Variants in NOS1AP observed in about 807,000 individuals in gnomAD.
NOS1AP encodes the protein carboxyl-terminal PDZ ligand of neuronal nitric oxide synthase protein.
A neutral mutation model predicts 56.2 loss-of-function variants in NOS1AP; 21 were observed. The observed-to-expected ratio is 0.37, with a 90% CI of 0.26 to 0.54. The LOEUF (loss-of-function observed/expected upper bound fraction) is 0.54, where lower values mean the gene tolerates loss of function less well. Among genes scored for constraint, NOS1AP ranks in the 20% least tolerant of loss-of-function variants. The probability of loss-of-function intolerance (pLI) is 0.84; values close to 1 mark genes in which losing one functional copy is unlikely to be tolerated. For synonymous variants in NOS1AP, 270 were observed against 274.6 expected, an observed-to-expected ratio of 0.98 and a Z score of 0.17; for missense variants, 522 against 657.8, an observed-to-expected ratio of 0.79 and a Z score of 2.26.
chr1:162,175,013 T>C (rs1650994911), intron 2 of NOS1AP, among the ~76,000 whole-genome samples: 2 of 152,214 alleles, frequency 1.3e-5, no homozygotes, highest in African/African-American at 4.8e-5. Context: ...GACAGAGAGG[T>C]AAGATGGCAT....
In NOS1AP at chr1:162,370,469, A is replaced by G. The variant is rs1647364985; in HGVS notation, c.*3002A>G. 6.6e-6 allele frequency: 1 copy of G among 152,034 alleles called. No homozygotes were observed. The highest frequency in any genetic ancestry group is 1.5e-5 in the Non-Finnish European group (1 of 67,986). 9.4% of individuals were successfully genotyped at this position (152,034 alleles called of 1,614,324 possible). On this transcript the variant is annotated 3_prime_UTR_variant, in exon 10 of 10. Coordinates refer to ENST00000361897, the MANE Select transcript of NOS1AP (RefSeq NM_014697.3). ...GGCTTTTGCTAAATAAACCTTTCTT[A>G]TTTCTAGAAGCTTTTCCATTGTCTT...
chr1:162,183,270 G>T (rs1156752207), intron 2 of NOS1AP, among the ~76,000 whole-genome samples: 2 of 152,176 alleles, frequency 1.3e-5, no homozygotes, highest in African/African-American at 2.4e-5. Flanking sequence ...TCAACAGGGG[G>T]CTTAAAATAT....
At chr1:162,195,340 C>T (rs1651771875) in intron 2 of NOS1AP, among the ~76,000 whole-genome samples, 2 of 151,944 alleles carry the variant, frequency 1.3e-5, no homozygotes, top group Admixed American at 1.3e-4. Context: ...GCATTTATCA[C>T]TCTGTCCTTT....
chr1:162,347,865 A>C (rs1389514912), intron 6 of NOS1AP, among the ~76,000 whole-genome samples: 1 of 152,196 alleles, frequency 6.6e-6, no homozygotes, highest in Non-Finnish European at 1.5e-5. Context: ...TCCCTCTGCC[A>C]TGGGTCCCTG....
chr1:162,251,404 G>A (rs1324065606), intron 2 of NOS1AP, among the ~76,000 whole-genome samples: 1 of 151,988 alleles, frequency 6.6e-6, no homozygotes, highest in Non-Finnish European at 1.5e-5. Flanking sequence ...ATGTGTCCTT[G>A]TCCTGTTTCT....
intron 6 of NOS1AP, among the ~76,000 whole-genome samples, chr1:162,353,788 A>C (rs947297069): frequency 9.2e-5 from 14 of 152,164 alleles, no homozygotes; most frequent in Non-Finnish European, 1.6e-4. Flanking sequence ...AGTTCCCAGC[A>C]CCACCCACCT....
Position 162,367,656 on chromosome 1 carries a change from TC to T in NOS1AP, c.*192del. 1 of 668,178 alleles carries T rather than the reference TC, an allele frequency of 1.5e-6. No individual in the cohort carries two copies. Among genetic ancestry groups the T allele is most frequent in the Non-Finnish European group, 2.5e-6 (1 of 402,156 alleles). The allele number at this position is 668,178 out of a possible 1,614,324, so 41.4% of individuals were successfully genotyped here. A position where few individuals can be genotyped will look rare whatever the true frequency, so the allele number is the denominator to read the frequency against. On this transcript the variant is annotated 3_prime_UTR_variant, in exon 10 of 10. Transcript: ENST00000361897. This position sits in a 1 kb window ranked among gnomAD's most constrained non-coding sequence, Gnocchi z 6.5. Reference sequence around the variant, plus strand: ...GGGTAAAGTGGGGAAGAAATCGGATTCCCAGAGGTGAATCAGCTCCTCTCCT... The same window carrying T: ...GGGTAAAGTGGGGAAGAAATCGGATTCCAGAGGTGAATCAGCTCCTCTCCT...
intron 1 of NOS1AP, among the ~76,000 whole-genome samples, chr1:162,124,387 T>C (rs1339658685): frequency 6.6e-6 from 1 of 152,144 alleles, no homozygotes; most frequent in Non-Finnish European, 1.5e-5. Context: ...TATTTGTTTT[T>C]CAATTCCTAA....
intron 4 of NOS1AP, among the ~76,000 whole-genome samples, chr1:162,331,883 T>C (rs1326628293): frequency 6.6e-6 from 1 of 152,194 alleles, no homozygotes; most frequent in Non-Finnish European, 1.5e-5. Flanking sequence ...AGGGCCTTGC[T>C]TATAATTTTC....
intron 2 of NOS1AP, among the ~76,000 whole-genome samples, chr1:162,278,664 C>CGTGTGTGTGT (rs57058985): frequency 2.1e-5 from 3 of 143,216 alleles, no homozygotes; most frequent in South Asian, 2.3e-4. Flanking sequence ...ACTCCTTCTA[C>CGTGTGTGTGT]GTGTGTGTGT....
intron 1 of NOS1AP, among the ~76,000 whole-genome samples, chr1:162,084,766 C>G (rs1281894263): frequency 6.6e-6 from 1 of 152,066 alleles, no homozygotes; most frequent in East Asian, 1.9e-4. Flanking sequence ...GATGAAGCCT[C>G]AACCTCCCAG....
At chr1:162,254,750 T>G (rs1653973235) in intron 2 of NOS1AP, among the ~76,000 whole-genome samples, 1 of 152,222 alleles carries the variant, frequency 6.6e-6, no homozygotes, top group Non-Finnish European at 1.5e-5. Flanking sequence ...AATTATACTC[T>G]AACTGTAGAT....
At chr1:162,330,775 G>C (rs1238661805) in intron 4 of NOS1AP, among the ~76,000 whole-genome samples, 2 of 152,190 alleles carry the variant, frequency 1.3e-5, no homozygotes, top group Non-Finnish European at 2.9e-5. Context: ...TTTACAGGAT[G>C]TTGTAAAAAT....
At chr1:162,080,942 A>G (rs1489576212) in intron 1 of NOS1AP, among the ~76,000 whole-genome samples, 1 of 152,218 alleles carries the variant, frequency 6.6e-6, no homozygotes, top group Non-Finnish European at 1.5e-5. Flanking sequence ...GGAGAAGCCA[A>G]GGCATAGAGA....
intron 5 of NOS1AP, among the ~76,000 whole-genome samples, chr1:162,340,265 T>C (rs1054832175): frequency 6.6e-6 from 1 of 152,178 alleles, no homozygotes; most frequent in African/African-American, 2.4e-5. Context: ...TGTTTACCAC[T>C]CAGTATGCAG....
chr1:162,274,793 A>G (rs1330151458), intron 2 of NOS1AP, among the ~76,000 whole-genome samples: 5 of 152,202 alleles, frequency 3.3e-5, no homozygotes, highest in African/African-American at 1.2e-4. Flanking sequence ...CTGTTAGACA[A>G]AAACACTGAA....
chr1:162,183,208 A>G (rs12724220), intron 2 of NOS1AP, among the ~76,000 whole-genome samples: 67,108 of 152,218 alleles, frequency 0.44, 18,185 homozygotes, highest in Non-Finnish European at 0.61. Context: ...AACCAGGTGC[A>G]TTGTTAATGA....
At chr1:162,242,703 G>A (rs754077496) in intron 2 of NOS1AP, among the ~76,000 whole-genome samples, 1 of 152,264 alleles carries the variant, frequency 6.6e-6, no homozygotes, top group South Asian at 2.1e-4. Context: ...GATGTAATTT[G>A]TTATATAGAA....
chr1:162,243,806 A>AT (rs139617881), intron 2 of NOS1AP, among the ~76,000 whole-genome samples: 6,166 of 152,244 alleles, frequency 0.041, 199 homozygotes, highest in African/African-American at 0.09. Context: ...CCACAGGACC[A>AT]TTTTTCAACC....
Sources: gnomAD v4.1 joint callset for allele counts (sites outside exome capture counted in the v4.1 genomes callset) on GRCh38, gnomAD v4.1.1 for gene constraint, Gnocchi (gnomAD v3.1) non-coding constraint, MANE v1.5 for transcripts, NCBI Gene and HGNC (gene_info 2026-07-23, HGNC 2026-07-21) for gene names.